ATF7IP: variants seen among roughly 807,000 people sequenced by gnomAD.
The protein encoded by ATF7IP is activating transcription factor 7 interacting protein, also known as activating transcription factor 7-interacting protein 1.
ATF7IP carries 23 observed loss-of-function variants against 106.4 expected under a neutral mutation model. The observed-to-expected ratio is 0.22, with a 90% CI of 0.16 to 0.31. The LOEUF is 0.31. Ranked by LOEUF, ATF7IP falls within the 10% of genes least tolerant of loss-of-function variation. The pLI is 1.00. For synonymous variants in ATF7IP, 542 were observed against 539.0 expected, an observed-to-expected ratio of 1.01 and a Z score of -0.08; for missense variants, 1,334 against 1,524.3, an observed-to-expected ratio of 0.88 and a Z score of 2.08.
chr12:14,425,551 T>TATTGACTTTGATGAACTGTTTAATA, intron 2 of ATF7IP, 78 bp downstream of exon 2: 1 of 1,379,506 alleles, frequency 7.2e-7, no homozygotes, highest in Non-Finnish European at 9.6e-7. Flanking sequence ...CATAATGTTT[T>TATTGACTTTGATGAACTGTTTAATA]AAATTTATTT....
intron 5 of ATF7IP, among the ~76,000 whole-genome samples, chr12:14,439,783 A>T (rs769168608): frequency 3.9e-5 from 6 of 152,110 alleles, no homozygotes; most frequent in Non-Finnish European, 8.8e-5. Context: ...CAGTGAGCTG[A>T]GATCGGGCTA....
Position 14,498,110 on chromosome 12 carries a change from C to A in ATF7IP, c.*37C>A. ...TTTATATTTTCCTCTTTTAAAATTT[C>A]CACCTTTTGGTCTTGTTTTTAATCT... On this transcript the variant is annotated 3_prime_UTR_variant, in exon 15 of 15. Transcript: ENST00000261168. The A allele has an allele frequency of 6.6e-7, 1 of 1,518,354 alleles. No individual in the cohort carries two copies. The highest frequency in any genetic ancestry group is 1.3e-5 in the South Asian group (1 of 76,224). 94.1% of individuals were successfully genotyped at this position (1,518,354 alleles called of 1,614,324 possible). A position where few individuals can be genotyped will look rare whatever the true frequency, so the allele number is the denominator to read the frequency against.
At chr12:14,457,385 A>T in intron 8 of ATF7IP, 90 bp downstream of exon 8, 1 of 985,842 alleles carries the variant, frequency 1.0e-6, no homozygotes, top group Non-Finnish European at 1.5e-6. Flanking sequence ...GTTGAAATGG[A>T]TTAAGAAATT....
Position 14,475,879 on chromosome 12 carries a change from T to C in ATF7IP, c.2863-11T>C, listed in dbSNP as rs761165715. The C allele has an allele frequency of 1.2e-6, 2 of 1,600,996 alleles. No individual in the cohort carries two copies. Among genetic ancestry groups the C allele is most frequent in the South Asian group, 1.1e-5 (1 of 88,472 alleles). On this transcript the variant is annotated splice_polypyrimidine_tract_variant and intron_variant, in intron 10 of 14. Coordinates refer to ENST00000261168, the MANE Select transcript of ATF7IP (RefSeq NM_018179.5). The stretch of plus-strand genomic sequence containing the variant: ...GTTTTCTTTGTAAAATGTAGAAGTT[T>C]TGTTTTTCAGTGTGGAAAAGCCACT...
At position 14,478,211 on chromosome 12, in the gene ATF7IP, T is replaced by C. The variant is rs1944318504; in HGVS notation, c.2942-106T>C. The C allele has an allele frequency of 9.0e-6, 9 of 1,000,356 alleles. No homozygotes were observed. In the African/African-American group the frequency reaches 1.3e-4, roughly 14 times the overall value. The allele number at this position is 1,000,356 out of a possible 1,614,324, so 62.0% of individuals were successfully genotyped here. ...AATAAATTATTCTCTTAGAGGTAAATGTGACACACAAGTGGCAAGCAAAAG... is the reference window on the plus strand; with the variant it reads ...AATAAATTATTCTCTTAGAGGTAAACGTGACACACAAGTGGCAAGCAAAAG... On this transcript the variant is annotated intron_variant, in intron 11 of 14. Transcript: ENST00000261168.
In ATF7IP at chr12:14,457,310, A is replaced by T; in HGVS notation, c.2158+15A>T. ...TGTGAATACAGGTAACTTTTTTTTTAAATACCAAAATACATTTTCTTAGGA... is the reference window on the plus strand; with the variant it reads ...TGTGAATACAGGTAACTTTTTTTTTTAATACCAAAATACATTTTCTTAGGA... On this transcript the variant is annotated intron_variant, in intron 8 of 14. Transcript: ENST00000261168. 2.7e-6 allele frequency: 4 copies of T among 1,505,680 alleles called. No individual in the cohort carries two copies. The highest frequency in any genetic ancestry group is 2.4e-5 in the South Asian group (2 of 84,552). The allele number at this position is 1,505,680 out of a possible 1,614,324, so 93.3% of individuals were successfully genotyped here. A position where few individuals can be genotyped will look rare whatever the true frequency, so the allele number is the denominator to read the frequency against.
chr12:14,437,994 A>G (rs937791774), intron 4 of ATF7IP, 136 bp from the exon 5 acceptor site: 4 of 685,172 alleles, frequency 5.8e-6, no homozygotes, highest in Non-Finnish European at 9.1e-6. Flanking sequence ...CGGAGCTTGC[A>G]GTGAGCCGAG....
At position 14,425,406 on chromosome 12, in the gene ATF7IP, T is replaced by G. The variant is rs1941789329; in HGVS notation, c.1491T>G (p.Asp497Glu). Reference sequence around the variant, plus strand: ...AAGAAGCCTTTCTGGTCCTCTCTGATGAAGAGGATATTTCGGGTGAAAAAG... The same window carrying G: ...AAGAAGCCTTTCTGGTCCTCTCTGAGGAAGAGGATATTTCGGGTGAAAAAG... ...LPKEAFLVLS[D>E]EEDISGEKDE... The change falls in exon 2 of 15, where the codon GAT (aspartate) becomes GAG (glutamate). Residue 497 changes from aspartate (D) to glutamate (E), a missense_variant. This residue lies in a region of ATF7IP where 119 missense variants were observed against 117.8 expected (regional missense o/e 1.01). Transcript: ENST00000261168. 2.5e-6 allele frequency: 4 copies of G among 1,606,624 alleles called. No individual in the cohort carries two copies. In the East Asian group the frequency reaches 8.9e-5, roughly 36 times the overall value.
At chr12:14,470,505 A>G (rs1029687017) in intron 10 of ATF7IP, among the ~76,000 whole-genome samples, 1 of 152,152 alleles carries the variant, frequency 6.6e-6, no homozygotes, top group Non-Finnish European at 1.5e-5. Flanking sequence ...ATATGTATAC[A>G]TGTCTCTGTT....
At chr12:14,435,156 G>T (rs1427271735) in intron 3 of ATF7IP, among the ~76,000 whole-genome samples, 3 of 151,306 alleles carry the variant, frequency 2.0e-5, no homozygotes, top group Non-Finnish European at 3.0e-5. Context: ...GGAAGGAAAA[G>T]GGAAGGAAAG....
chr12:14,410,834 ATG>A (rs1301566095), intron 1 of ATF7IP, among the ~76,000 whole-genome samples: 1 of 152,116 alleles, frequency 6.6e-6, no homozygotes, highest in Non-Finnish European at 1.5e-5. Flanking sequence ...GTGTTTGGGA[ATG>A]TATCTTCTAT....
At chr12:14,467,304 A>G (rs1431839573) in intron 10 of ATF7IP, among the ~76,000 whole-genome samples, 1 of 152,196 alleles carries the variant, frequency 6.6e-6, no homozygotes, top group African/African-American at 2.4e-5. Context: ...TGAAAAAATG[A>G]CAAGAATTTT....
intron 1 of ATF7IP, among the ~76,000 whole-genome samples, chr12:14,390,841 T>A (rs780329888): frequency 6.6e-6 from 1 of 152,264 alleles, no homozygotes; most frequent in Non-Finnish European, 1.5e-5. Context: ...TAATTTATAA[T>A]CTTGATCTGA....
chr12:14,387,181 ATCAT>A (rs1565474502), intron 1 of ATF7IP, among the ~76,000 whole-genome samples: 1 of 152,154 alleles, frequency 6.6e-6, no homozygotes, highest in Non-Finnish European at 1.5e-5. Context: ...ATTTATGTAA[ATCAT>A]TCAGTCATAT....
intron 5 of ATF7IP, 75 bp from the exon 6 acceptor site, chr12:14,446,913 T>A: frequency 8.8e-7 from 1 of 1,132,470 alleles, no homozygotes; most frequent in East Asian, 2.6e-5. Flanking sequence ...TCTTTTTATA[T>A]ATTCATGGTT....
At chr12:14,464,053 C>T (rs1398128695) in intron 9 of ATF7IP, among the ~76,000 whole-genome samples, 1 of 152,202 alleles carries the variant, frequency 6.6e-6, no homozygotes, top group African/African-American at 2.4e-5. Context: ...TGGCTTATGC[C>T]TGTAATACCA....
chr12:14,480,942 A>G, intron 12 of ATF7IP, 61 bp from the exon 13 acceptor site: 1 of 1,473,992 alleles, frequency 6.8e-7, no homozygotes, highest in Non-Finnish European at 9.3e-7. Flanking sequence ...CTGCCATTTA[A>G]TACTGTTTGC....
chr12:14,479,423 CTG>C (rs1944362644), intron 12 of ATF7IP, among the ~76,000 whole-genome samples: 1 of 152,110 alleles, frequency 6.6e-6, no homozygotes, highest in Admixed American at 6.5e-5. Flanking sequence ...GGTTTGTCTT[CTG>C]TATAGCAGCA....
intron 13 of ATF7IP, among the ~76,000 whole-genome samples, chr12:14,484,215 C>T (rs1169690196): frequency 6.6e-6 from 1 of 152,122 alleles, no homozygotes; most frequent in Admixed American, 6.5e-5. Context: ...AAGTGGAAGT[C>T]CATGTTGCTG....
Sources: allele counts gnomAD v4.1 joint callset (sites outside exome capture counted in the v4.1 genomes callset), GRCh38; gene constraint gnomAD v4.1.1; regional missense constraint gnomAD v4.1.1; transcripts MANE v1.5; gene names NCBI Gene and HGNC (gene_info 2026-07-23, HGNC 2026-07-21).